Variants in CEP290 observed in about 807,000 individuals in gnomAD.
The protein encoded by CEP290 is centrosomal protein of 290 kDa.
Under a neutral mutation model 344.9 loss-of-function variants are expected in CEP290, and 317 were observed. The ratio of observed to expected loss-of-function variants is 0.92; its 90% CI spans 0.84 to 1.01. The LOEUF (loss-of-function observed/expected upper bound fraction) is 1.01, where lower values mean the gene tolerates loss of function less well. Ranked by LOEUF, CEP290 falls within the 50% of genes least tolerant of loss-of-function variation. The pLI is 0.00. For synonymous variants in CEP290, 932 were observed against 895.8 expected, an observed-to-expected ratio of 1.04 and a Z score of -0.72; for missense variants, 2,754 against 2,761.4, an observed-to-expected ratio of 1.00 and a Z score of 0.06.
At position 88,050,187 on chromosome 12, in the gene CEP290, CTA is replaced by C. The variant is rs578200705; in HGVS notation, c.7209+165_7209+166del. 48 of 500,616 alleles carry C rather than the reference CTA, an allele frequency of 9.6e-5. No individual in the cohort carries two copies. The South Asian group carries it at 1.5e-3, about 16-fold the overall frequency. 31.0% of individuals were successfully genotyped at this position (500,616 alleles called of 1,614,324 possible). Reference sequence around the variant, plus strand: ...GTTGAGTCTGAATTTTTTGTTAACTCTAATATGTTAGGAATAGTCAGATGAAC... The same window carrying C: ...GTTGAGTCTGAATTTTTTGTTAACTCATATGTTAGGAATAGTCAGATGAAC... On this transcript the variant is annotated intron_variant, in intron 53 of 53. Transcript: ENST00000552810.
At chr12:88,058,127 AAT>A (rs1361481516) in intron 49 of CEP290, 2 of 152,178 alleles carry the variant, frequency 1.3e-5, no homozygotes, top group Non-Finnish European at 2.9e-5. Flanking sequence ...TGGAAATGAG[AAT>A]GACACAAAGA....
intron 52 of CEP290, among the ~76,000 whole-genome samples, chr12:88,052,907 A>C (rs1456074040): frequency 6.6e-6 from 1 of 152,038 alleles, no homozygotes; most frequent in Non-Finnish European, 1.5e-5. Flanking sequence ...TCCTCTGCTC[A>C]TTTCTCTATG....
intron 5 of CEP290, among the ~76,000 whole-genome samples, chr12:88,137,827 C>T (rs1018900241): frequency 6.6e-6 from 1 of 152,170 alleles, no homozygotes; most frequent in Non-Finnish European, 1.5e-5. Flanking sequence ...CCTGCAACTT[C>T]AGGTGATCAT....
At chr12:88,080,485 AGC>A in intron 37 of CEP290, 90 bp from the exon 38 acceptor site, 8 of 930,548 alleles carry the variant, frequency 8.6e-6, no homozygotes, top group Non-Finnish European at 1.1e-5. Context: ...GCTGGAGTGC[AGC>A]AGCGCAATCT....
chr12:88,120,942 T>G, intron 14 of CEP290, 55 bp downstream of exon 14: 1 of 1,474,932 alleles, frequency 6.8e-7, no homozygotes, highest in Non-Finnish European at 9.3e-7. Context: ...CAGAATAGTC[T>G]GTGAATGGCA....
chr12:88,112,525 G>A (rs75807406), intron 20 of CEP290, among the ~76,000 whole-genome samples: 5,979 of 152,018 alleles, frequency 0.039, 368 homozygotes, highest in African/African-American at 0.14. Context: ...TCACTGGCCC[G>A]AAATCTCCAA....
intron 26 of CEP290, among the ~76,000 whole-genome samples, chr12:88,102,312 T>TA (rs1018398404): frequency 4.4e-4 from 67 of 152,156 alleles, no homozygotes; most frequent in African/African-American, 1.6e-3. Context: ...TATTCTACAA[T>TA]AAAAAATGAT....
At chr12:88,098,181 T>C (rs1380299136) in intron 26 of CEP290, among the ~76,000 whole-genome samples, 1 of 151,896 alleles carries the variant, frequency 6.6e-6, no homozygotes, top group Non-Finnish European at 1.5e-5. Context: ...GGCACTTGCC[T>C]GTAATCCCAG....
chr12:88,119,186 T>C (rs147151329), intron 15 of CEP290, among the ~76,000 whole-genome samples: 1 of 152,200 alleles, frequency 6.6e-6, no homozygotes, highest in Non-Finnish European at 1.5e-5. Flanking sequence ...CACACATATA[T>C]ATCTGTATAA....
In CEP290 at chr12:88,083,144, T is replaced by C. The variant is rs1184261298; in HGVS notation, c.4899A>G (p.Gln1633=). 28 of 1,556,638 alleles carry C rather than the reference T, an allele frequency of 1.8e-5. No homozygotes were observed. Among genetic ancestry groups the C allele is most frequent in the Non-Finnish European group, 2.3e-5 (27 of 1,150,282 alleles). The stretch of plus-strand genomic sequence containing the variant: ...CCAAGAGTGAGGAAAGAGAGTCATC[T>C]TGTTCTGCTACTGTCTGTTCCATCT... ...LAEMEQTVAE[Q]DDSLSSLLVK... Residue 1633 remains glutamine (Q), a synonymous_variant, in exon 37 of 54, where the codon CAA becomes CAG. Coordinates refer to ENST00000552810, the MANE Select transcript of CEP290 (RefSeq NM_025114.4).
rs187435339 is a variant in CEP290, at chr12:88,124,486, A to G, written c.1189+760T>C. Reference sequence around the variant, plus strand: ...TGCAAACACATCACTACACTTACACACACATATGTGCACGGAATCACTATT... The same window carrying G: ...TGCAAACACATCACTACACTTACACGCACATATGTGCACGGAATCACTATT... On this transcript the variant is annotated intron_variant, in intron 13 of 53. Coordinates refer to ENST00000552810, the MANE Select transcript of CEP290 (RefSeq NM_025114.4). 5.5e-3 allele frequency among the ~76,000 whole-genome samples: 831 copies of G among 152,200 alleles called. 13 individuals carry two copies. The highest frequency in any genetic ancestry group is 0.019 in the African/African-American group (778 of 41,536).
rs369868981 is a variant in CEP290 at position 88,111,296 on chromosome 12, A to G, written c.2273T>C (p.Val758Ala). 48 of 1,561,842 alleles carry G rather than the reference A, an allele frequency of 3.1e-5. No homozygotes were observed. The highest frequency in any genetic ancestry group is 3.9e-5 in the Non-Finnish European group (45 of 1,152,934). ...AGGTAAGTCAATTCCTTTAAAAACA[A>G]CATTTGATCCTTCTGATTGTCGTAA... is the stretch of plus-strand genomic sequence containing the variant. The part of the protein sequence containing the change: ...SLLRQSEGSN[V>A]VFKGIDLPDG... The change falls in exon 22 of 54, where the codon GTT (valine) becomes GCT (alanine). Residue 758 changes from valine (V) to alanine (A), a missense_variant. Coordinates refer to ENST00000552810, the MANE Select transcript of CEP290 (RefSeq NM_025114.4).
intron 18 of CEP290, chr12:88,115,418 A>G: frequency 6.4e-6 from 7 of 1,099,182 alleles, no homozygotes; most frequent in South Asian, 4.1e-5. Flanking sequence ...GCAAAAAGAT[A>G]TAACGGTTTT....
rs1400104585 is a variant in CEP290 at position 88,085,342 on chromosome 12, CTCT to C, written c.4438-493_4438-491del. 1.2e-4 allele frequency among the ~76,000 whole-genome samples: 18 copies of C among 152,142 alleles called. No homozygotes were observed. The South Asian group carries it at 2.7e-3, about 23-fold the overall frequency. On this transcript the variant is annotated intron_variant, in intron 34 of 53. Coordinates refer to ENST00000552810, the MANE Select transcript of CEP290 (RefSeq NM_025114.4). ...AGAGAAAAAAACAGAAAAATTTTTA[CTCT>C]TCAAGAGGATTAAGGTGAGTATTTT...
intron 30 of CEP290, 60 bp downstream of exon 30, chr12:88,090,662 CCAACAT>C: frequency 1.0e-6 from 1 of 972,022 alleles, no homozygotes; most frequent in Non-Finnish European, 1.6e-6. Flanking sequence ...TATCCCACTC[CCAACAT>C]CTAATGTAAA....
At chr12:88,109,895 A>G (rs991614595) in intron 22 of CEP290, among the ~76,000 whole-genome samples, 2 of 152,186 alleles carry the variant, frequency 1.3e-5, no homozygotes, top group Admixed American at 1.3e-4. Context: ...ATATTTGCTG[A>G]TAGTGTTCCT....
At chr12:88,052,471 T>G (rs944961017) in intron 52 of CEP290, among the ~76,000 whole-genome samples, 1 of 152,182 alleles carries the variant, frequency 6.6e-6, no homozygotes, top group Non-Finnish European at 1.5e-5. Context: ...GCTAGAAATG[T>G]GTATAGTATT....
intron 4 of CEP290, 101 bp downstream of exon 4, chr12:88,139,394 A>G (rs1037579914): frequency 1.6e-6 from 1 of 638,648 alleles, no homozygotes. Flanking sequence ...AAATAAACTG[A>G]ATATATATAT....
Position 88,079,662 on chromosome 12 carries a change from G to A in CEP290, c.5227-433C>T, listed in dbSNP as rs937295363. ...TCATAGCTAGCACAGAAAAACACCA[G>A]CATCTTCTAAAACAATTTAAATAGA... is the stretch of plus-strand genomic sequence containing the variant. On this transcript the variant is annotated intron_variant, in intron 38 of 53. Coordinates refer to ENST00000552810, the MANE Select transcript of CEP290 (RefSeq NM_025114.4). Among the ~76,000 whole-genome samples the A allele has an allele frequency of 4.6e-5, 7 of 152,086 alleles. 1 individual carries two copies. In the Middle Eastern group the frequency reaches 0.017, roughly 369 times the overall value.
Sources: gnomAD v4.1 joint callset for allele counts (sites outside exome capture counted in the v4.1 genomes callset) on GRCh38, gnomAD v4.1.1 for gene constraint, MANE v1.5 for transcripts, NCBI Gene and HGNC (gene_info 2026-07-23, HGNC 2026-07-21) for gene names.